FNDC3A: variants seen among roughly 807,000 people sequenced by gnomAD.
FNDC3A encodes the protein fibronectin type-III domain-containing protein 3A.
Under a neutral mutation model 148.9 loss-of-function variants are expected in FNDC3A, and 32 were observed. That is an observed-to-expected ratio of 0.21 (90% CI 0.16 to 0.29). The LOEUF is 0.29. Ranked by LOEUF, FNDC3A falls within the 10% of genes least tolerant of loss-of-function variation. The probability of loss-of-function intolerance (pLI) is 1.00; values close to 1 mark genes in which losing one functional copy is unlikely to be tolerated. For missense variants in FNDC3A, 1,191 were observed against 1,452.8 expected (o/e 0.82, Z 2.93); for synonymous variants, 472 against 473.6 (o/e 1.00, Z 0.04).
At chr13:48,990,080 A>G (rs571223052) in intron 1 of FNDC3A, among the ~76,000 whole-genome samples, 15 of 152,106 alleles carry the variant, frequency 9.9e-5, no homozygotes, top group Non-Finnish European at 1.9e-4. Flanking sequence ...CAGCCAAAGA[A>G]AAACAGAACA....
chr13:49,070,154 CAG>C (rs1437738323), intron 2 of FNDC3A, among the ~76,000 whole-genome samples: 1 of 151,656 alleles, frequency 6.6e-6, no homozygotes, highest in Non-Finnish European at 1.5e-5. Flanking sequence ...TTTTTTGAGA[CAG>C]AGTCTTGCAC....
chr13:49,036,892 G>T (rs190513002), intron 2 of FNDC3A, among the ~76,000 whole-genome samples: 1 of 152,178 alleles, frequency 6.6e-6, no homozygotes, highest in East Asian at 1.9e-4. Context: ...TGAACTAATT[G>T]TCATGCCAAA....
intron 15 of FNDC3A, 53 bp downstream of exon 15, chr13:49,186,155 A>G: frequency 7.1e-7 from 1 of 1,399,420 alleles, no homozygotes; most frequent in East Asian, 2.3e-5. Flanking sequence ...GATTAAAATA[A>G]TTTGAATATG....
At chr13:49,063,493 C>T (rs1459582305) in intron 2 of FNDC3A, among the ~76,000 whole-genome samples, 1 of 152,062 alleles carries the variant, frequency 6.6e-6, no homozygotes, top group Non-Finnish European at 1.5e-5. Context: ...TCAAGTTGCC[C>T]TGAATGTAGA....
chr13:49,128,293 G>C (rs1881825058), intron 4 of FNDC3A, among the ~76,000 whole-genome samples: 1 of 152,110 alleles, frequency 6.6e-6, no homozygotes. Context: ...CTTTCTGAAT[G>C]GTTTCCCTGC....
chr13:48,996,917 G>C (rs1952033941), intron 1 of FNDC3A, among the ~76,000 whole-genome samples: 1 of 152,098 alleles, frequency 6.6e-6, no homozygotes, highest in South Asian at 2.1e-4. Flanking sequence ...CAAAAAATTA[G>C]CTGGGCATGG....
chr13:49,176,120 A>G (rs1013773399), intron 13 of FNDC3A, among the ~76,000 whole-genome samples: 1 of 152,198 alleles, frequency 6.6e-6, no homozygotes, highest in African/African-American at 2.4e-5. Flanking sequence ...TTTTGCATCA[A>G]TGTTCATCAG....
intron 3 of FNDC3A, among the ~76,000 whole-genome samples, chr13:49,080,100 T>C (rs1179193639): frequency 6.6e-6 from 1 of 152,166 alleles, no homozygotes; most frequent in Non-Finnish European, 1.5e-5. Context: ...CCTGGCCCAA[T>C]ATTTGTTTCA....
intron 2 of FNDC3A, among the ~76,000 whole-genome samples, chr13:49,026,864 T>G (rs1451650969): frequency 6.6e-6 from 1 of 152,120 alleles, no homozygotes; most frequent in East Asian, 1.9e-4. Flanking sequence ...AGAATAATCC[T>G]TGAGGAAAAT....
intron 2 of FNDC3A, among the ~76,000 whole-genome samples, chr13:49,037,875 A>G (rs1414863860): frequency 6.6e-6 from 1 of 152,172 alleles, no homozygotes; most frequent in African/African-American, 2.4e-5. Context: ...TGGGCATTCT[A>G]CAGTGCACTC....
Position 49,192,742 on chromosome 13 carries a change from G to T in FNDC3A, c.2226+1358G>T, listed in dbSNP as rs9562872. 9.7e-4 allele frequency among the ~76,000 whole-genome samples: 147 copies of T among 152,144 alleles called. 2 individuals carry two copies. The East Asian group carries it at 0.021, about 22-fold the overall frequency. On this transcript the variant is annotated intron_variant, in intron 19 of 25. Coordinates refer to ENST00000492622, the MANE Select transcript of FNDC3A (RefSeq NM_001079673.2). ...ACTTACGTCTTAATTTATATTTTCA[G>T]GTTTGTGATAATTTGTCAAAATCAC...
At chr13:48,996,983 A>G (rs1952035270) in intron 1 of FNDC3A, among the ~76,000 whole-genome samples, 1 of 152,066 alleles carries the variant, frequency 6.6e-6, no homozygotes, top group Non-Finnish European at 1.5e-5. Flanking sequence ...AAATTGCTTG[A>G]ACCCAGGAGG....
At chr13:49,002,012 C>T (rs577260551) in intron 1 of FNDC3A, among the ~76,000 whole-genome samples, 1 of 152,298 alleles carries the variant, frequency 6.6e-6, no homozygotes, top group South Asian at 2.1e-4. Context: ...AACCTGCGGA[C>T]ATGTCTCCCC....
chr13:49,089,492 A>G (rs1416517621), intron 3 of FNDC3A, among the ~76,000 whole-genome samples: 2 of 152,228 alleles, frequency 1.3e-5, no homozygotes, highest in African/African-American at 2.4e-5. Context: ...TTATGAAAAG[A>G]GGGCCTTTCT....
chr13:49,196,498 A>T (rs1886162731), intron 19 of FNDC3A, among the ~76,000 whole-genome samples: 1 of 145,058 alleles, frequency 6.9e-6, no homozygotes, highest in Non-Finnish European at 1.6e-5. Flanking sequence ...TGAAGTATTA[A>T]AAAATTAAAA....
chr13:49,132,590 A>T lies in FNDC3A; in HGVS notation c.490+1216A>T, dbSNP rs181947093. Reference sequence around the variant, plus strand: ...AAATATCTCCAGACATTTCCAAATGATCCCTAGGAACCAAAATTAGTTCTG... The same window carrying T: ...AAATATCTCCAGACATTTCCAAATGTTCCCTAGGAACCAAAATTAGTTCTG... On this transcript the variant is annotated intron_variant, in intron 5 of 25. Coordinates refer to ENST00000492622, the MANE Select transcript of FNDC3A (RefSeq NM_001079673.2). Among the ~76,000 whole-genome samples, 145 of 152,352 alleles carry T rather than the reference A, an allele frequency of 9.5e-4. 1 individual carries two copies. The highest frequency in any genetic ancestry group is 3.3e-3 in the African/African-American group (139 of 41,582).
chr13:49,090,242 G>A (rs1448304586), intron 3 of FNDC3A, among the ~76,000 whole-genome samples: 1 of 152,124 alleles, frequency 6.6e-6, no homozygotes, highest in African/African-American at 2.4e-5. Context: ...CCAACATGGT[G>A]AAACCCTGTC....
At chr13:49,182,787 C>T (rs1387630221) in intron 14 of FNDC3A, among the ~76,000 whole-genome samples, 1 of 152,078 alleles carries the variant, frequency 6.6e-6, no homozygotes, top group Non-Finnish European at 1.5e-5. Flanking sequence ...GTCATGTTTT[C>T]TTCCTCTCAT....
intron 10 of FNDC3A, among the ~76,000 whole-genome samples, chr13:49,169,344 G>T (rs1884639365): frequency 6.6e-6 from 1 of 152,170 alleles, no homozygotes; most frequent in African/African-American, 2.4e-5. Context: ...GTCTTTCCCA[G>T]ATTGCACAGT....
Sources: allele counts gnomAD v4.1 joint callset (sites outside exome capture counted in the v4.1 genomes callset), GRCh38; gene constraint gnomAD v4.1.1; transcripts MANE v1.5; gene names NCBI Gene and HGNC (gene_info 2026-07-23, HGNC 2026-07-21).